Variants in ATP9B observed in about 807,000 individuals in gnomAD.
ATP9B encodes probable phospholipid-transporting ATPase IIB.
In ATP9B, 110 loss-of-function variants were observed where a neutral mutation model predicts 146.1. The observed-to-expected ratio is 0.75, with a 90% CI of 0.65 to 0.88. ATP9B has a LOEUF of 0.88. Among genes scored for constraint, ATP9B ranks in the 40% least tolerant of loss-of-function variants. The pLI is 0.00. For synonymous variants in ATP9B, 604 were observed against 569.7 expected (o/e 1.06, Z -0.86); for missense variants, 1,499 against 1,496.4 (o/e 1.00, Z -0.03).
chr18:79,166,557 G>T (rs1308043349), intron 7 of ATP9B, among the ~76,000 whole-genome samples: 1 of 152,126 alleles, frequency 6.6e-6, no homozygotes, highest in Non-Finnish European at 1.5e-5. Context: ...ATGGTCTCAG[G>T]AGTCAATGGA....
At position 79,372,932 on chromosome 18, in the gene ATP9B, C is replaced by T. The variant is rs376450546; in HGVS notation, c.3070+50C>T. The T allele has an allele frequency of 2.9e-6, 4 of 1,363,676 alleles. No homozygotes were observed. The Admixed American group carries it at 5.4e-5, about 18-fold the overall frequency. The allele number at this position is 1,363,676 out of a possible 1,614,324, so 84.5% of individuals were successfully genotyped here. A position where few individuals can be genotyped will look rare whatever the true frequency, so the allele number is the denominator to read the frequency against. On this transcript the variant is annotated intron_variant, in intron 27 of 29. Coordinates refer to ENST00000426216, the MANE Select transcript of ATP9B (RefSeq NM_198531.5). ...GGACTAAAGATTTTTTTATTTTGGT[C>T]TTTTTGTTAGCAATATTGTTTTTAC... is the stretch of plus-strand genomic sequence containing the variant.
At chr18:79,098,227 C>T (rs2074971726) in intron 2 of ATP9B, among the ~76,000 whole-genome samples, 1 of 152,064 alleles carries the variant, frequency 6.6e-6, no homozygotes, top group South Asian at 2.1e-4. Context: ...ATACAAAAAT[C>T]AATTCAAGAT....
chr18:79,334,585 G>A (rs993414579), intron 17 of ATP9B, among the ~76,000 whole-genome samples: 2 of 152,016 alleles, frequency 1.3e-5, no homozygotes, highest in African/African-American at 2.4e-5. Flanking sequence ...GCAGAGGGGG[G>A]TGGGGTTGTC....
chr18:79,140,637 C>G (rs970478180), intron 5 of ATP9B, among the ~76,000 whole-genome samples: 1 of 151,978 alleles, frequency 6.6e-6, no homozygotes, highest in African/African-American at 2.4e-5. Flanking sequence ...AAAAATTAGC[C>G]GGGCATGGTG....
At chr18:79,335,730 C>T (rs1285876822) in intron 17 of ATP9B, among the ~76,000 whole-genome samples, 1 of 152,226 alleles carries the variant, frequency 6.6e-6, no homozygotes, top group Non-Finnish European at 1.5e-5. Context: ...ATTGGCTGCC[C>T]TGCAAGGCCA....
chr18:79,288,183 T>C (rs2096463978), intron 13 of ATP9B, among the ~76,000 whole-genome samples: 1 of 150,996 alleles, frequency 6.6e-6, no homozygotes, highest in Non-Finnish European at 1.5e-5. Context: ...GTTAACTTTC[T>C]GTCTCGTTGA....
At chr18:79,162,772 G>A (rs578029990) in intron 7 of ATP9B, among the ~76,000 whole-genome samples, 2 of 152,160 alleles carry the variant, frequency 1.3e-5, no homozygotes, top group East Asian at 3.9e-4. Flanking sequence ...TCTTTTGTTG[G>A]CCGTATACCC....
chr18:79,184,474 G>A (rs1262510262), intron 8 of ATP9B, among the ~76,000 whole-genome samples: 1 of 151,946 alleles, frequency 6.6e-6, no homozygotes, highest in Non-Finnish European at 1.5e-5. Flanking sequence ...TCCTCGCTCT[G>A]CTTCCCAGGG....
At chr18:79,273,140 C>T (rs2096273448) in intron 12 of ATP9B, among the ~76,000 whole-genome samples, 1 of 152,150 alleles carries the variant, frequency 6.6e-6, no homozygotes, top group Non-Finnish European at 1.5e-5. Flanking sequence ...TTGTTTGGCC[C>T]ATAAGGGGAG....
At chr18:79,334,844 G>T (rs547543016) in intron 17 of ATP9B, among the ~76,000 whole-genome samples, 1 of 143,166 alleles carries the variant, frequency 7.0e-6, no homozygotes, top group African/African-American at 2.6e-5. Flanking sequence ...CTGCCCAGTC[G>T]CCCACACCGC....
At chr18:79,279,272 A>G (rs188721332) in intron 13 of ATP9B, among the ~76,000 whole-genome samples, 4 of 151,918 alleles carry the variant, frequency 2.6e-5, no homozygotes, top group Admixed American at 6.5e-5. Flanking sequence ...TCACTGGTTC[A>G]TGTGCCTGCC....
intron 16 of ATP9B, 90 bp downstream of exon 16, chr18:79,329,392 C>A: frequency 7.4e-7 from 1 of 1,356,678 alleles, no homozygotes; most frequent in Non-Finnish European, 9.8e-7. Flanking sequence ...GAAAGTTAAA[C>A]ATTTACTCAG....
intron 26 of ATP9B, among the ~76,000 whole-genome samples, chr18:79,371,892 C>G (rs1253267960): frequency 6.6e-6 from 1 of 152,252 alleles, no homozygotes; most frequent in Non-Finnish European, 1.5e-5. Flanking sequence ...GACTACACTT[C>G]TTAGCACCAC....
chr18:79,072,429 G>A (rs2071969916), intron 1 of ATP9B, among the ~76,000 whole-genome samples: 1 of 152,202 alleles, frequency 6.6e-6, no homozygotes. Flanking sequence ...TTAACCTGGA[G>A]TTGACACAGC....
intron 8 of ATP9B, among the ~76,000 whole-genome samples, chr18:79,188,073 ATG>A (rs1481373438): frequency 1.3e-5 from 2 of 152,172 alleles, no homozygotes; most frequent in African/African-American, 4.8e-5. Context: ...GATTATTGGA[ATG>A]CGTGTGTAGA....
At chr18:79,313,196 CATTT>C (rs2096662273) in intron 15 of ATP9B, among the ~76,000 whole-genome samples, 1 of 152,182 alleles carries the variant, frequency 6.6e-6, no homozygotes, top group Admixed American at 6.5e-5. Context: ...GTCTCAGATC[CATTT>C]ATTTAGTAAA....
rs376599124 is a variant in ATP9B, at chr18:79,367,880, T to A, written c.3013-4945T>A. Among the ~76,000 whole-genome samples, 3 of 152,286 alleles carry A rather than the reference T, an allele frequency of 2.0e-5. No homozygotes were observed. The East Asian group carries it at 5.8e-4, about 29-fold the overall frequency. ...GAGCTTTGAGGAGCAGCCAGGTCAT[T>A]AAGGACGGGGAGACAGAGGCGCTGG... On this transcript the variant is annotated intron_variant, in intron 26 of 29. Transcript: ENST00000426216.
chr18:79,088,716 C>A (rs2074059691), intron 1 of ATP9B, among the ~76,000 whole-genome samples: 1 of 152,194 alleles, frequency 6.6e-6, no homozygotes, highest in Non-Finnish European at 1.5e-5. Flanking sequence ...TATTCTATTC[C>A]ATGGTATATT....
intron 8 of ATP9B, among the ~76,000 whole-genome samples, chr18:79,190,332 C>T (rs1041859159): frequency 2.6e-5 from 4 of 152,070 alleles, no homozygotes; most frequent in African/African-American, 9.7e-5. Context: ...TGTGGTGTAT[C>T]TTCAAGGTTT....
Sources: gnomAD v4.1 joint callset for allele counts (sites outside exome capture counted in the v4.1 genomes callset) on GRCh38, gnomAD v4.1.1 for gene constraint, MANE v1.5 for transcripts, NCBI Gene and HGNC (gene_info 2026-07-23, HGNC 2026-07-21) for gene names.